NCAM1: variants seen among roughly 807,000 people sequenced by gnomAD.
The protein encoded by NCAM1 is neural cell adhesion molecule 1, also known as antigen recognized by monoclonal antibody 5.1H11.
NCAM1 carries 14 observed loss-of-function variants against 109.8 expected under a neutral mutation model. That is an observed-to-expected ratio of 0.13 (90% CI 0.08 to 0.20). The LOEUF (loss-of-function observed/expected upper bound fraction) is 0.20. Ranked by LOEUF, NCAM1 falls within the 10% of genes least tolerant of loss-of-function variation. The pLI is 1.00. For missense variants in NCAM1, 774 were observed against 1,109.9 expected (o/e 0.70, Z 4.30); for synonymous variants, 418 against 442.9 (o/e 0.94, Z 0.70).
At chr11:113,195,484 C>G (rs1276674670) in intron 1 of NCAM1, among the ~76,000 whole-genome samples, 2 of 150,484 alleles carry the variant, frequency 1.3e-5, no homozygotes, top group Admixed American at 6.7e-5. Context: ...CACAAACACA[C>G]CCCTTAGTAG....
chr11:113,125,536 C>A (rs782333533), intron 1 of NCAM1, among the ~76,000 whole-genome samples: 8 of 152,070 alleles, frequency 5.3e-5, no homozygotes, highest in Non-Finnish European at 7.4e-5. Flanking sequence ...CAAGAGTGGC[C>A]CTTTACACGC....
intron 1 of NCAM1, among the ~76,000 whole-genome samples, chr11:113,187,568 T>G (rs1156293496): frequency 6.6e-6 from 1 of 150,684 alleles, no homozygotes; most frequent in Non-Finnish European, 1.5e-5. Context: ...TGTTTCTGTG[T>G]GTGTGTGTGT....
intron 14 of NCAM1, among the ~76,000 whole-genome samples, chr11:113,237,909 TATATAGATATATAG>T (rs1422673535): frequency 3.3e-3 from 54 of 16,156 alleles, no homozygotes; most frequent in Admixed American, 8.9e-3. Context: ...TATATAGATA[TATATAGATATATAG>T]ATATAGATAT....
At position 113,220,584 on chromosome 11, in the gene NCAM1, T is replaced by TTC. The variant is rs1300315366; in HGVS notation, c.1060-694_1060-693dup. Among the ~76,000 whole-genome samples, 64 of 140,190 alleles carry TTC rather than the reference T, an allele frequency of 4.6e-4. 1 individual carries two copies. The South Asian group carries it at 6.4e-3, about 14-fold the overall frequency. 92.0% of individuals were successfully genotyped at this position (140,190 alleles called of 152,430 possible). Reference sequence around the variant, plus strand: ...TATAAAATCCAAAGAAGGAGACCTATTCTCTCTCTCTCTCTCTCTTTTTTT... The same window carrying TTC: ...TATAAAATCCAAAGAAGGAGACCTATTCTCTCTCTCTCTCTCTCTCTTTTTTT... On this transcript the variant is annotated intron_variant, in intron 8 of 19. Coordinates refer to ENST00000316851, the MANE Select transcript of NCAM1 (RefSeq NM_181351.5).
intron 1 of NCAM1, among the ~76,000 whole-genome samples, chr11:112,994,013 C>A (rs1459401392): frequency 6.6e-6 from 1 of 152,190 alleles, no homozygotes; most frequent in Admixed American, 6.5e-5. Context: ...ACAGCTGTCA[C>A]CCTGGGATGA....
intron 1 of NCAM1, among the ~76,000 whole-genome samples, chr11:113,104,374 T>C (rs1940049694): frequency 6.6e-6 from 1 of 151,986 alleles, no homozygotes; most frequent in African/African-American, 2.4e-5. Context: ...CTTTTTTTTT[T>C]CTATTACAAG....
chr11:113,235,378 C>T (rs929965289), intron 14 of NCAM1: 1 of 1,053,814 alleles, frequency 9.5e-7, no homozygotes, highest in Non-Finnish European at 1.5e-6. Context: ...GGGTTGGGGA[C>T]ACTGTCCTAG....
At chr11:113,056,164 A>C (rs916409993) in intron 1 of NCAM1, among the ~76,000 whole-genome samples, 5 of 151,366 alleles carry the variant, frequency 3.3e-5, no homozygotes, top group Non-Finnish European at 1.5e-5. Flanking sequence ...ACAGAAAGAC[A>C]AATATCACAT....
chr11:113,256,471 G>A (rs1187808087), intron 16 of NCAM1, among the ~76,000 whole-genome samples: 1 of 152,130 alleles, frequency 6.6e-6, no homozygotes, highest in Non-Finnish European at 1.5e-5. Flanking sequence ...AAGTAAGTGG[G>A]TGTACAGCAG....
At chr11:113,210,872 A>G (rs1591421922) in intron 7 of NCAM1, among the ~76,000 whole-genome samples, 1 of 151,864 alleles carries the variant, frequency 6.6e-6, no homozygotes. Flanking sequence ...TAGGGAGCAT[A>G]GTGGGGCAAA....
At chr11:113,252,069 C>T (rs187835946) in intron 15 of NCAM1, among the ~76,000 whole-genome samples, 2 of 152,264 alleles carry the variant, frequency 1.3e-5, no homozygotes, top group African/African-American at 4.8e-5. Context: ...ACAGAGCCAC[C>T]AAGTCGGTCA....
chr11:113,083,509 A>C (rs781796104), intron 1 of NCAM1, among the ~76,000 whole-genome samples: 1 of 152,160 alleles, frequency 6.6e-6, no homozygotes, highest in Non-Finnish European at 1.5e-5. Context: ...ATGAATTAAC[A>C]TTTATTTGTC....
At chr11:113,079,859 G>C (rs1485244061) in intron 1 of NCAM1, among the ~76,000 whole-genome samples, 2 of 152,132 alleles carry the variant, frequency 1.3e-5, no homozygotes, top group Non-Finnish European at 2.9e-5. Context: ...ACTATTTCGA[G>C]ATTGGCATAT....
intron 8 of NCAM1, among the ~76,000 whole-genome samples, chr11:113,218,985 T>G (rs1322642357): frequency 6.6e-6 from 1 of 152,188 alleles, no homozygotes; most frequent in Non-Finnish European, 1.5e-5. Context: ...AATTCCAGGT[T>G]TCATTTACTT....
At chr11:113,263,447 T>C in intron 17 of NCAM1, 1 of 986,118 alleles carries the variant, frequency 1.0e-6, no homozygotes, top group Non-Finnish European at 1.2e-6. Context: ...ACCGCACTGA[T>C]TCACATGAGC....
At chr11:113,174,441 G>T (rs1326455761) in intron 1 of NCAM1, among the ~76,000 whole-genome samples, 1 of 152,104 alleles carries the variant, frequency 6.6e-6, no homozygotes, top group Non-Finnish European at 1.5e-5. Context: ...CGAGGTTTTA[G>T]TGAAAAAAGA....
In NCAM1 at chr11:113,106,352, A is replaced by G. The variant is rs17114845; in HGVS notation, c.53-96027A>G. Among the ~76,000 whole-genome samples, 1,006 of 152,332 alleles carry G rather than the reference A, an allele frequency of 6.6e-3. 8 individuals are homozygous for G. The highest frequency in any genetic ancestry group is 0.023 in the African/African-American group (952 of 41,576). ...CATTATGGTTCAAAATATAGCCAAC[A>G]CAGTTTGTGGTTTGTATACATTTTC... On this transcript the variant is annotated intron_variant, in intron 1 of 19. Transcript: ENST00000316851.
chr11:113,264,290 T>G, intron 17 of NCAM1: 1 of 985,454 alleles, frequency 1.0e-6, no homozygotes, highest in Non-Finnish European at 1.2e-6. Context: ...CCTTTCCCTT[T>G]GGGATTCCAA....
chr11:112,978,252 T>A (rs1276526188), intron 1 of NCAM1, among the ~76,000 whole-genome samples: 1 of 100,592 alleles, frequency 9.9e-6, no homozygotes, highest in African/African-American at 3.2e-5. Flanking sequence ...AAATTGGTGT[T>A]TAGGTTTTGG....
Sources: gnomAD v4.1 joint callset for allele counts (sites outside exome capture counted in the v4.1 genomes callset) on GRCh38, gnomAD v4.1.1 for gene constraint, MANE v1.5 for transcripts, NCBI Gene and HGNC (gene_info 2026-07-23, HGNC 2026-07-21) for gene names.